The following CDK14 variants were observed in gnomAD, a reference collection of about 807,000 sequenced individuals.
CDK14 encodes cyclin dependent kinase 14.
CDK14 carries 34 observed loss-of-function variants against 60.7 expected under a neutral mutation model. That is an observed-to-expected ratio of 0.56 (90% confidence interval 0.43 to 0.75). The LOEUF (loss-of-function observed/expected upper bound fraction) is 0.75. Ranked by LOEUF, CDK14 falls within the 30% of genes least tolerant of loss-of-function variation. CDK14 has a pLI of 0.00. For missense variants in CDK14, 482 were observed against 564.1 expected (o/e 0.85, Z 1.47); for synonymous variants, 197 against 203.7 (o/e 0.97, Z 0.28).
chr7:90,676,224 G>A (rs1019158951), intron 2 of CDK14, among the ~76,000 whole-genome samples: 4 of 152,152 alleles, frequency 2.6e-5, no homozygotes, highest in African/African-American at 9.7e-5. Context: ...TTGCTAAGGA[G>A]AACACATTAA....
chr7:90,679,162 C>A (rs757777692), intron 2 of CDK14, among the ~76,000 whole-genome samples: 1 of 152,062 alleles, frequency 6.6e-6, no homozygotes, highest in African/African-American at 2.4e-5. Flanking sequence ...ATGTTGCCCA[C>A]GCTGGTATCA....
Position 90,910,421 on chromosome 7 carries a change from A to G in CDK14, c.703-7180A>G, listed in dbSNP as rs114874603. Among the ~76,000 whole-genome samples, 1,108 of 152,262 alleles carry G rather than the reference A, an allele frequency of 7.3e-3. 18 individuals are homozygous for G. Among genetic ancestry groups the G allele is most frequent in the African/African-American group, 0.026 (1,072 of 41,562 alleles). On this transcript the variant is annotated intron_variant, in intron 7 of 14. Coordinates refer to ENST00000380050, the MANE Select transcript of CDK14 (RefSeq NM_001287135.2). Reference sequence around the variant, plus strand: ...CATATTACAAAATATTTTGACATTGACTGCATATAATTGGGATTTTAACTA... The same window carrying G: ...CATATTACAAAATATTTTGACATTGGCTGCATATAATTGGGATTTTAACTA...
intron 11 of CDK14, among the ~76,000 whole-genome samples, chr7:91,065,624 A>G (rs1185605557): frequency 6.6e-6 from 1 of 152,186 alleles, no homozygotes; most frequent in Non-Finnish European, 1.5e-5. Context: ...TGGTTTTCCT[A>G]ACAGATATAA....
chr7:90,833,349 G>A (rs1183020290), intron 5 of CDK14, among the ~76,000 whole-genome samples: 1 of 152,132 alleles, frequency 6.6e-6, no homozygotes, highest in Admixed American at 6.5e-5. Context: ...ATTTATAAAT[G>A]CATACCCCAG....
At chr7:90,708,384 G>C (rs1344084581) in intron 2 of CDK14, among the ~76,000 whole-genome samples, 1 of 152,144 alleles carries the variant, frequency 6.6e-6, no homozygotes, top group African/African-American at 2.4e-5. Flanking sequence ...TGAAAGACCT[G>C]TTGAAGTCTA....
At chr7:90,689,299 C>G (rs1290886890) in intron 2 of CDK14, among the ~76,000 whole-genome samples, 1 of 152,066 alleles carries the variant, frequency 6.6e-6, no homozygotes, top group Non-Finnish European at 1.5e-5. Flanking sequence ...TTATGATTTT[C>G]TTTTTATCTG....
At chr7:91,132,981 A>G (rs940958184) in intron 14 of CDK14, among the ~76,000 whole-genome samples, 2 of 152,148 alleles carry the variant, frequency 1.3e-5, no homozygotes, top group Non-Finnish European at 2.9e-5. Flanking sequence ...CTATTCACAT[A>G]TCTTTTGTAA....
chr7:90,968,646 G>T (rs748608575), intron 9 of CDK14, among the ~76,000 whole-genome samples: 4 of 151,988 alleles, frequency 2.6e-5, no homozygotes, highest in Non-Finnish European at 5.9e-5. Context: ...TACCATGTTT[G>T]TTTTTGAATA....
At chr7:90,629,977 A>C (rs1584752614) in intron 2 of CDK14, among the ~76,000 whole-genome samples, 2 of 152,068 alleles carry the variant, frequency 1.3e-5, no homozygotes, top group South Asian at 4.1e-4. Flanking sequence ...CAGTGAGCCA[A>C]GATAGCGGCC....
intron 14 of CDK14, among the ~76,000 whole-genome samples, chr7:91,154,803 G>C (rs574152715): frequency 6.6e-6 from 1 of 152,250 alleles, no homozygotes; most frequent in East Asian, 1.9e-4. Flanking sequence ...ATGAGAGCCT[G>C]GGTCAAATTA....
intron 1 of CDK14, among the ~76,000 whole-genome samples, chr7:90,598,925 C>G (rs536429399): frequency 6.6e-6 from 1 of 151,556 alleles, no homozygotes; most frequent in Admixed American, 6.6e-5. Flanking sequence ...GGGATGGTCT[C>G]GATCTCCTGA....
rs138560291 is a variant in CDK14 at position 90,883,763 on chromosome 7, G to A, written c.640-15528G>A. 9.9e-3 allele frequency among the ~76,000 whole-genome samples: 1,501 copies of A among 152,236 alleles called. 25 individuals carry two copies. The highest frequency in any genetic ancestry group is 0.033 in the African/African-American group (1,378 of 41,516). ...CCACGATCAAGTTGGCTTCATCCCT[G>A]GGATGCAAGGCTGGCTTAACATATG... On this transcript the variant is annotated intron_variant, in intron 6 of 14. Coordinates refer to ENST00000380050, the MANE Select transcript of CDK14 (RefSeq NM_001287135.2).
intron 12 of CDK14, among the ~76,000 whole-genome samples, chr7:91,081,645 A>T (rs1562896607): frequency 6.6e-6 from 1 of 152,180 alleles, no homozygotes; most frequent in Non-Finnish European, 1.5e-5. Context: ...CCTTAAGTTT[A>T]TTTGAATAGC....
chr7:91,013,140 A>G (rs965253858), intron 10 of CDK14, among the ~76,000 whole-genome samples: 1 of 152,252 alleles, frequency 6.6e-6, no homozygotes, highest in Non-Finnish European at 1.5e-5. Flanking sequence ...GTTCCCAAAC[A>G]CAGGCCTAGG....
rs752759326 is a variant in CDK14, at chr7:91,060,872, T to C, written c.1105+14912T>C. On this transcript the variant is annotated intron_variant, in intron 11 of 14. Transcript: ENST00000380050. ...TTAACTTTTGTGAATCTGACAATTA[T>C]GTGTCTTGGAGTTGCTCTTCTCAAG... Among the ~76,000 whole-genome samples the C allele has an allele frequency of 2.3e-4, 35 of 152,314 alleles. No homozygotes were observed. In the Middle Eastern group the frequency reaches 0.014, roughly 59 times the overall value.
intron 2 of CDK14, among the ~76,000 whole-genome samples, chr7:90,650,555 T>C (rs1160094365): frequency 6.6e-6 from 1 of 152,248 alleles, no homozygotes; most frequent in Non-Finnish European, 1.5e-5. Flanking sequence ...TGAATGGTAT[T>C]GCCTAGGTTT....
At chr7:90,701,741 G>C (rs1446377977) in intron 2 of CDK14, among the ~76,000 whole-genome samples, 1 of 152,184 alleles carries the variant, frequency 6.6e-6, no homozygotes, top group East Asian at 1.9e-4. Flanking sequence ...ATTGGGAAGA[G>C]AAGTATTGCA....
intron 2 of CDK14, chr7:90,726,172 A>G (rs2116708576): frequency 1.0e-5 from 2 of 198,812 alleles, no homozygotes; most frequent in Non-Finnish European, 1.8e-5. Flanking sequence ...CCATCAGTTA[A>G]TGTCCATCTG....
At chr7:90,978,661 TTAGA>T (rs1490497841) in intron 9 of CDK14, among the ~76,000 whole-genome samples, 1 of 152,128 alleles carries the variant, frequency 6.6e-6, no homozygotes, top group African/African-American at 2.4e-5. Context: ...TGGGAAAAAG[TTAGA>T]TAGCACCTTA....
Sources: gnomAD v4.1 joint callset for allele counts (sites outside exome capture counted in the v4.1 genomes callset) on GRCh38, gnomAD v4.1.1 for gene constraint, MANE v1.5 for transcripts, NCBI Gene and HGNC (gene_info 2026-07-23, HGNC 2026-07-21) for gene names.